Variants in PAPOLA observed in about 807,000 individuals in gnomAD.
PAPOLA encodes polynucleotide adenylyltransferase alpha.
PAPOLA carries 15 observed loss-of-function variants against 100.6 expected under a neutral mutation model. The ratio of observed to expected loss-of-function variants is 0.15; its 90% CI spans 0.10 to 0.23. The LOEUF is 0.23. Among genes scored for constraint, PAPOLA ranks in the 10% least tolerant of loss-of-function variants. The pLI is 1.00. For missense variants in PAPOLA, 533 were observed against 884.2 expected (o/e 0.60, Z 5.04); for synonymous variants, 293 against 300.0 (o/e 0.98, Z 0.24).
At chr14:96,536,092 G>A in intron 11 of PAPOLA, 93 bp downstream of exon 11, 1 of 934,662 alleles carries the variant, frequency 1.1e-6, no homozygotes, top group Non-Finnish European at 1.5e-6. Context: ...AATTGAAGAA[G>A]GATTCACTGA....
At position 96,566,219 on chromosome 14, in the gene PAPOLA, T is replaced by C; in HGVS notation, c.*1169T>C. ...TTTTTAAATGGTTTACCAAAATTTG[T>C]CAGTACATTTTACGTGTAGAAGCAT... On this transcript the variant is annotated 3_prime_UTR_variant, in exon 22 of 22. Coordinates refer to ENST00000216277, the MANE Select transcript of PAPOLA (RefSeq NM_032632.5). 1 of 291,326 alleles carries C rather than the reference T, an allele frequency of 3.4e-6. No homozygotes were observed. Among genetic ancestry groups the C allele is most frequent in the East Asian group, 5.5e-5 (1 of 18,132 alleles). The allele number at this position is 291,326 out of a possible 1,614,324, so 18.0% of individuals were successfully genotyped here.
At chr14:96,505,618 T>C (rs554846292) in intron 1 of PAPOLA, among the ~76,000 whole-genome samples, 2 of 152,244 alleles carry the variant, frequency 1.3e-5, no homozygotes, top group South Asian at 2.1e-4. Context: ...TGTAGTAGTT[T>C]TACATCGCCA....
Position 96,527,151 on chromosome 14 carries a change from C to T in PAPOLA, c.332-279C>T, listed in dbSNP as rs547276732. ...ATGTTGGGTGTATGTTTGAATAATT[C>T]CCTCTCCACCATGAAAGTACTTGCT... is the stretch of plus-strand genomic sequence containing the variant. On this transcript the variant is annotated intron_variant, in intron 4 of 21. Transcript: ENST00000216277. The T allele has an allele frequency of 1.0e-5, 4 of 392,022 alleles. No individual in the cohort carries two copies. In the East Asian group the frequency reaches 1.5e-4, roughly 14 times the overall value. 24.3% of individuals were successfully genotyped at this position (392,022 alleles called of 1,614,324 possible). A position where few individuals can be genotyped will look rare whatever the true frequency, so the allele number is the denominator to read the frequency against.
intron 1 of PAPOLA, among the ~76,000 whole-genome samples, chr14:96,514,464 T>A (rs1181927942): frequency 6.6e-6 from 1 of 152,154 alleles, no homozygotes; most frequent in African/African-American, 2.4e-5. Context: ...TGCAGGCGTG[T>A]GCCACCACGC....
At chr14:96,538,713 C>T (rs940218866) in intron 12 of PAPOLA, among the ~76,000 whole-genome samples, 1 of 151,978 alleles carries the variant, frequency 6.6e-6, no homozygotes, top group African/African-American at 2.4e-5. Context: ...AGAAATTTGC[C>T]TCTTTAAGAT....
chr14:96,527,575 T>C (rs770991919), intron 5 of PAPOLA, 36 bp downstream of exon 5: 4 of 1,079,904 alleles, frequency 3.7e-6, no homozygotes, highest in Middle Eastern at 2.1e-4. Flanking sequence ...GGATGAGTTA[T>C]GAACATTCAT....
intron 3 of PAPOLA, among the ~76,000 whole-genome samples, chr14:96,522,112 C>CTTTTTTTTTTTTTTTTTTTTTTT (rs1350167869): frequency 1.0e-5 from 1 of 98,710 alleles, no homozygotes; most frequent in Admixed American, 9.6e-5. Flanking sequence ...CTCTTTCTTT[C>CTTTTTTTTTTTTTTTTTTTTTTT]TTTCTTTTTT....
intron 15 of PAPOLA, among the ~76,000 whole-genome samples, chr14:96,545,384 A>AT (rs1260526000): frequency 5.3e-5 from 8 of 152,064 alleles, no homozygotes; most frequent in Non-Finnish European, 1.0e-4. Context: ...TGACATCTAT[A>AT]AATTCTGACT....
chr14:96,544,197 A>G lies in PAPOLA; in HGVS notation c.1338A>G (p.Thr446=). 1 of 1,610,712 alleles carries G rather than the reference A, an allele frequency of 6.2e-7. No individual in the cohort carries two copies. The highest frequency in any genetic ancestry group is 8.5e-7 in the Non-Finnish European group (1 of 1,177,032). The change falls in exon 15 of 22, where the codon ACA becomes ACG. Residue 446 remains threonine (T), a synonymous_variant. Transcript: ENST00000216277. Reference sequence around the variant, plus strand: ...TGATTGGGTTAGTGTTTAAAAAAACAGAAAACTCTGAAAACCTCAGTGTTG... The same window carrying G: ...TGATTGGGTTAGTGTTTAAAAAAACGGAAAACTCTGAAAACCTCAGTGTTG... ...MWVIGLVFKK[T]ENSENLSVDL...
intron 19 of PAPOLA, among the ~76,000 whole-genome samples, chr14:96,558,469 T>C (rs1373272174): frequency 6.6e-6 from 1 of 152,224 alleles, no homozygotes; most frequent in African/African-American, 2.4e-5. Flanking sequence ...TAAATAAGTT[T>C]GTACTAGTGC....
At chr14:96,542,029 A>T (rs1414426972) in intron 12 of PAPOLA, 1 of 350,704 alleles carries the variant, frequency 2.9e-6, no homozygotes, top group African/African-American at 2.1e-5. Flanking sequence ...GTAATTATTC[A>T]TAAAGTCACT....
chr14:96,534,668 T>C, intron 10 of PAPOLA, 105 bp downstream of exon 10: 1 of 1,580,368 alleles, frequency 6.3e-7, no homozygotes, highest in Non-Finnish European at 8.6e-7. Context: ...TTATGAATGG[T>C]CATGTCCGTA....
intron 14 of PAPOLA, 137 bp from the exon 15 acceptor site, chr14:96,544,012 A>G (rs775763999): frequency 3.9e-5 from 24 of 614,476 alleles, no homozygotes; most frequent in Admixed American, 8.9e-5. Flanking sequence ...TTGCGTTTTC[A>G]TGGAGCTTGG....
At chr14:96,532,229 C>A in intron 7 of PAPOLA, 102 bp from the exon 8 acceptor site, 1 of 1,417,996 alleles carries the variant, frequency 7.1e-7, no homozygotes, top group Non-Finnish European at 9.2e-7. Context: ...AATTTGGAAG[C>A]ATTACCATTA....
chr14:96,519,073 C>CTG (rs201439138), intron 1 of PAPOLA, among the ~76,000 whole-genome samples: 10 of 151,170 alleles, frequency 6.6e-5, no homozygotes, highest in East Asian at 3.9e-4. Flanking sequence ...TAAGAGGTAG[C>CTG]TGTGTGTGTG....
At chr14:96,531,627 G>C (rs750950328) in intron 7 of PAPOLA, 41 bp downstream of exon 7, 1 of 1,564,434 alleles carries the variant, frequency 6.4e-7, no homozygotes, top group Non-Finnish European at 8.7e-7. Context: ...TTCAGTTTTT[G>C]TCAGATATTA....
intron 17 of PAPOLA, 153 bp downstream of exon 17, chr14:96,552,775 G>T: frequency 1.5e-6 from 1 of 668,252 alleles, no homozygotes; most frequent in Non-Finnish European, 2.4e-6. Flanking sequence ...CCAGGTTTGG[G>T]GATAGTACTT....
At chr14:96,529,993 A>G (rs185770249) in intron 6 of PAPOLA, among the ~76,000 whole-genome samples, 2 of 152,340 alleles carry the variant, frequency 1.3e-5, no homozygotes, top group Admixed American at 1.3e-4. Flanking sequence ...AACATACTGT[A>G]GTATTACAGA....
intron 1 of PAPOLA, among the ~76,000 whole-genome samples, chr14:96,514,311 C>T (rs1009659228): frequency 1.3e-5 from 2 of 151,722 alleles, no homozygotes; most frequent in African/African-American, 4.8e-5. Context: ...GTAGCTATGA[C>T]TACAGGCAAC....
Sources: allele counts gnomAD v4.1 joint callset (sites outside exome capture counted in the v4.1 genomes callset), GRCh38; gene constraint gnomAD v4.1.1; transcripts MANE v1.5; gene names NCBI Gene and HGNC (gene_info 2026-07-23, HGNC 2026-07-21).